The following GRIA4 variants were observed in gnomAD, a reference collection of about 807,000 sequenced individuals.
GRIA4 encodes the protein glutamate receptor 4.
A neutral mutation model predicts 104.0 loss-of-function variants in GRIA4; 34 were observed. The ratio of observed to expected loss-of-function variants is 0.33; its 90% CI spans 0.25 to 0.44. The LOEUF (loss-of-function observed/expected upper bound fraction) is 0.44, where lower values mean the gene tolerates loss of function less well. GRIA4 is among the 20% of genes least tolerant of loss of function. The pLI is 1.00. For missense variants in GRIA4, 750 were observed against 1,096.5 expected, an observed-to-expected ratio of 0.68 and a Z score of 4.46; for synonymous variants, 386 against 381.9, an observed-to-expected ratio of 1.01 and a Z score of -0.13.
rs1555065647 is a variant in GRIA4, at chr11:105,981,631, A to G, written c.*1892A>G. 6.6e-6 allele frequency: 1 copy of G among 151,800 alleles called. No individual in the cohort carries two copies. Among genetic ancestry groups the G allele is most frequent in the Admixed American group, 6.6e-5 (1 of 15,208 alleles). The allele number at this position is 151,800 out of a possible 1,614,324, so 9.4% of individuals were successfully genotyped here. A position where few individuals can be genotyped will look rare whatever the true frequency, so the allele number is the denominator to read the frequency against. ...AATTCCAAGCTCTTGAGAAGATCAC[A>G]TGAGCCCCTTCATGACCTGGCGCTT... is the stretch of plus-strand genomic sequence containing the variant. On this transcript the variant is annotated 3_prime_UTR_variant, in exon 17 of 17. Coordinates refer to ENST00000282499, the MANE Select transcript of GRIA4 (RefSeq NM_000829.4).
At chr11:105,830,835 A>T (rs568196126) in intron 4 of GRIA4, among the ~76,000 whole-genome samples, 1 of 152,112 alleles carries the variant, frequency 6.6e-6, no homozygotes, top group African/African-American at 2.4e-5. Flanking sequence ...TCACTGCCTT[A>T]ACAGGTAGTT....
At chr11:105,776,077 C>T (rs143061593) in intron 4 of GRIA4, among the ~76,000 whole-genome samples, 1,727 of 151,998 alleles carry the variant, frequency 0.011, 11 homozygotes, top group Non-Finnish European at 0.017. Context: ...GGAAATAGTA[C>T]CTAACAATTT....
intron 4 of GRIA4, among the ~76,000 whole-genome samples, chr11:105,831,951 T>G (rs1484119654): frequency 6.6e-6 from 1 of 151,974 alleles, no homozygotes; most frequent in Non-Finnish European, 1.5e-5. Context: ...CCAGGAGAAG[T>G]AAGCGTAGCA....
intron 3 of GRIA4, among the ~76,000 whole-genome samples, chr11:105,709,570 G>A (rs747656276): frequency 2.6e-5 from 4 of 152,106 alleles, no homozygotes; most frequent in Non-Finnish European, 5.9e-5. Flanking sequence ...TCTTAACCAC[G>A]TAATTGAAGG....
chr11:105,970,901 T>C (rs1037913309), intron 14 of GRIA4, among the ~76,000 whole-genome samples: 5 of 152,204 alleles, frequency 3.3e-5, no homozygotes, highest in African/African-American at 1.2e-4. Flanking sequence ...AAAGAATTAT[T>C]AAATTCCTTG....
chr11:105,966,424 T>TC (rs774327104), intron 14 of GRIA4, among the ~76,000 whole-genome samples: 7 of 152,024 alleles, frequency 4.6e-5, no homozygotes, highest in Middle Eastern at 3.2e-3. Context: ...TTGTTTTTTT[T>TC]CACCATTACT....
In GRIA4 at chr11:105,848,547, G is replaced by A. The variant is rs1370203921; in HGVS notation, c.488-13477G>A. ...TTACATTAAAGTGGGAAAATAACCG[G>A]ATGGGTAGAAAATTAATACCTATGC... is the stretch of plus-strand genomic sequence containing the variant. On this transcript the variant is annotated intron_variant, in intron 4 of 16. Transcript: ENST00000282499. Among the ~76,000 whole-genome samples the A allele has an allele frequency of 2.0e-5, 3 of 152,172 alleles. No homozygotes were observed. In the South Asian group the frequency reaches 6.2e-4, roughly 31 times the overall value.
intron 4 of GRIA4, among the ~76,000 whole-genome samples, chr11:105,809,566 C>T (rs1021148461): frequency 6.6e-6 from 1 of 152,076 alleles, no homozygotes; most frequent in Non-Finnish European, 1.5e-5. Context: ...GAGGCAGTTT[C>T]CCCTATGCTG....
intron 3 of GRIA4, among the ~76,000 whole-genome samples, chr11:105,674,424 C>A (rs567117113): frequency 6.6e-6 from 1 of 151,130 alleles, no homozygotes; most frequent in African/African-American, 2.4e-5. Flanking sequence ...GAAACATATC[C>A]GCCTCAGGAT....
intron 3 of GRIA4, among the ~76,000 whole-genome samples, chr11:105,676,581 A>G (rs144700579): frequency 0.012 from 1,772 of 151,896 alleles, 14 homozygotes; most frequent in Admixed American, 0.021. Flanking sequence ...ATCCATCAGA[A>G]GAAGTCAGGA....
In GRIA4 at chr11:105,866,684, A is replaced by G. The variant is rs1945432774; in HGVS notation, c.672+4476A>G. Among the ~76,000 whole-genome samples, 3 of 151,138 alleles carry G rather than the reference A, an allele frequency of 2.0e-5. No homozygotes were observed. The Admixed American group carries it at 2.0e-4, about 10-fold the overall frequency. On this transcript the variant is annotated intron_variant, in intron 5 of 16. Coordinates refer to ENST00000282499, the MANE Select transcript of GRIA4 (RefSeq NM_000829.4). ...GTCTGGTTAACTAAGGTTTAAACCA[A>G]AAGTATTTCCTAAAATCCTACTAAA... is the stretch of plus-strand genomic sequence containing the variant.
At chr11:105,798,173 A>G (rs574873983) in intron 4 of GRIA4, among the ~76,000 whole-genome samples, 88 of 152,296 alleles carry the variant, frequency 5.8e-4, no homozygotes, top group African/African-American at 2.0e-3. Flanking sequence ...AGAAGTGGAC[A>G]CTTAAAAAGA....
intron 14 of GRIA4, among the ~76,000 whole-genome samples, chr11:105,961,474 A>G (rs974279084): frequency 5.9e-5 from 9 of 152,214 alleles, no homozygotes; most frequent in Non-Finnish European, 1.0e-4. Flanking sequence ...AATATTCTGG[A>G]CATTTTAACA....
Position 105,746,693 on chromosome 11 carries a change from A to G in GRIA4, c.248-6288A>G, listed in dbSNP as rs1328829004. The stretch of plus-strand genomic sequence containing the variant: ...AACATTAGCATAATTATTAAGAACA[A>G]TTAGGAGTATTAGATTTTTATAACT... On this transcript the variant is annotated intron_variant, in intron 3 of 16. Coordinates refer to ENST00000282499, the MANE Select transcript of GRIA4 (RefSeq NM_000829.4). 3.3e-5 allele frequency among the ~76,000 whole-genome samples: 5 copies of G among 152,164 alleles called. No homozygotes were observed. The East Asian group carries it at 7.7e-4, about 23-fold the overall frequency.
intron 9 of GRIA4, among the ~76,000 whole-genome samples, chr11:105,907,653 G>C (rs903743855): frequency 8.5e-5 from 13 of 152,148 alleles, no homozygotes; most frequent in African/African-American, 3.1e-4. Flanking sequence ...GGGCTCCAGA[G>C]GGAATGCTCC....
At chr11:105,854,673 G>A (rs1215645304) in intron 4 of GRIA4, among the ~76,000 whole-genome samples, 1 of 152,136 alleles carries the variant, frequency 6.6e-6, no homozygotes, top group Admixed American at 6.6e-5. Flanking sequence ...GATATATTTT[G>A]AAGGTAGCCT....
chr11:105,811,696 A>G (rs571411630), intron 4 of GRIA4, among the ~76,000 whole-genome samples: 1 of 152,342 alleles, frequency 6.6e-6, no homozygotes, highest in Non-Finnish European at 1.5e-5. Context: ...CAAATGTTGC[A>G]TGGGACATAT....
intron 5 of GRIA4, among the ~76,000 whole-genome samples, chr11:105,882,355 G>T (rs1022752234): frequency 3.4e-4 from 52 of 152,170 alleles, no homozygotes; most frequent in Admixed American, 3.4e-3. Context: ...AATGATCACA[G>T]CCTGGTAGTA....
chr11:105,686,494 C>A (rs1402842813), intron 3 of GRIA4, among the ~76,000 whole-genome samples: 1 of 152,156 alleles, frequency 6.6e-6, no homozygotes, highest in Non-Finnish European at 1.5e-5. Flanking sequence ...AGTAGGTTGA[C>A]TGCATGTCTT....
Sources: gnomAD v4.1 joint callset for allele counts (sites outside exome capture counted in the v4.1 genomes callset) on GRCh38, gnomAD v4.1.1 for gene constraint, MANE v1.5 for transcripts, NCBI Gene and HGNC (gene_info 2026-07-23, HGNC 2026-07-21) for gene names.